Variants in HHAT observed in about 807,000 individuals in gnomAD.
HHAT encodes protein-cysteine N-palmitoyltransferase HHAT.
A neutral mutation model predicts 70.8 loss-of-function variants in HHAT; 47 were observed. The observed-to-expected ratio is 0.66, with a 90% CI of 0.53 to 0.85. HHAT has a LOEUF of 0.85. Among genes scored for constraint, HHAT ranks in the 40% least tolerant of loss-of-function variants. The pLI is 0.00. For missense variants in HHAT, 609 were observed against 604.8 expected (o/e 1.01, Z -0.07); for synonymous variants, 228 against 247.6 (o/e 0.92, Z 0.74).
intron 9 of HHAT, among the ~76,000 whole-genome samples, chr1:210,527,284 C>CTT (rs78268019): frequency 6.6e-6 from 1 of 152,052 alleles, no homozygotes; most frequent in Non-Finnish European, 1.5e-5. Context: ...TGTGGTCTCT[C>CTT]GTGGTTTTTC....
chr1:210,368,203 A>G (rs924431877), intron 3 of HHAT, among the ~76,000 whole-genome samples: 2 of 152,136 alleles, frequency 1.3e-5, no homozygotes, highest in Non-Finnish European at 2.9e-5. Flanking sequence ...AGGATTCAAG[A>G]TCATAGATTC....
At chr1:210,476,180 C>T (rs375476512) in intron 8 of HHAT, among the ~76,000 whole-genome samples, 1 of 152,318 alleles carries the variant, frequency 6.6e-6, no homozygotes, top group African/African-American at 2.4e-5. Flanking sequence ...AGATTGCAGA[C>T]GATTACAGCT....
chr1:210,529,259 T>G (rs7551694), intron 9 of HHAT, among the ~76,000 whole-genome samples: 69,215 of 150,616 alleles, frequency 0.46, 15,987 homozygotes, highest in Middle Eastern at 0.54. Flanking sequence ...GAGCAGAGAT[T>G]CTGCCACTGC....
chr1:210,615,729 G>T (rs560510684), intron 10 of HHAT, among the ~76,000 whole-genome samples: 1 of 152,256 alleles, frequency 6.6e-6, no homozygotes, highest in Non-Finnish European at 1.5e-5. Context: ...CTAGGTATCA[G>T]CAGTGGAGGC....
intron 1 of HHAT, 84 bp from the exon 2 acceptor site, chr1:210,348,849 G>A (rs1272659164): frequency 7.4e-7 from 1 of 1,351,572 alleles, no homozygotes; most frequent in Non-Finnish European, 9.9e-7. Flanking sequence ...TGGGTCTCCG[G>A]GAGTGTGAAC....
chr1:210,468,798 G>C (rs2094150531), intron 8 of HHAT, among the ~76,000 whole-genome samples: 1 of 152,142 alleles, frequency 6.6e-6, no homozygotes, highest in Non-Finnish European at 1.5e-5. Flanking sequence ...TTGTTGGGTA[G>C]AAGGCTGGAA....
At chr1:210,332,504 C>G (rs143337818) in intron 1 of HHAT, among the ~76,000 whole-genome samples, 8 of 152,362 alleles carry the variant, frequency 5.3e-5, no homozygotes, top group Middle Eastern at 6.8e-3. Context: ...TTCAATTCGC[C>G]TAGTTTACTC....
intron 11 of HHAT, among the ~76,000 whole-genome samples, chr1:210,641,518 T>C (rs1258941381): frequency 6.6e-6 from 1 of 152,230 alleles, no homozygotes; most frequent in Non-Finnish European, 1.5e-5. Flanking sequence ...AAATTTTGCC[T>C]ATGTTTGAAC....
At position 210,464,605 on chromosome 1, in the gene HHAT, C is replaced by T. The variant is rs142420396; in HGVS notation, c.957C>T (p.Pro319=). Residue 319 remains proline (P), a synonymous_variant, in exon 8 of 12, where the codon CCC becomes CCT. Transcript: ENST00000261458. Reference sequence around the variant, plus strand: ...TGCGCCTGGATGGACTCACTCCACCCGCCCTCCCCCGCTGCGTGAGCACCA... The same window carrying T: ...TGCGCCTGGATGGACTCACTCCACCTGCCCTCCCCCGCTGCGTGAGCACCA... ...LLMRLDGLTP[P]ALPRCVSTMF... 5.2e-4 allele frequency: 843 copies of T among 1,614,176 alleles called. 5 individuals are homozygous for T. The East Asian group carries it at 6.6e-3, about 13-fold the overall frequency.
intron 11 of HHAT, among the ~76,000 whole-genome samples, chr1:210,625,787 CTT>C (rs1399970855): frequency 6.6e-6 from 1 of 152,204 alleles, no homozygotes; most frequent in Non-Finnish European, 1.5e-5. Context: ...GACCTAGAAT[CTT>C]TGTTTTGATT....
At chr1:210,617,731 A>G (rs781171473) in intron 10 of HHAT, among the ~76,000 whole-genome samples, 31 of 152,392 alleles carry the variant, frequency 2.0e-4, no homozygotes, top group African/African-American at 6.0e-4. Context: ...AACTTGTCCA[A>G]TTAAACAAAT....
chr1:210,390,793 C>T (rs1198074386), intron 4 of HHAT, among the ~76,000 whole-genome samples: 1 of 152,202 alleles, frequency 6.6e-6, no homozygotes, highest in Non-Finnish European at 1.5e-5. Flanking sequence ...GAACAATGGC[C>T]TCCAGCTCCA....
rs753271439 is a variant in HHAT, at chr1:210,587,962, A to G, written c.1108A>G (p.Met370Val). 6.2e-7 allele frequency: 1 copy of G among 1,614,092 alleles called. No individual in the cohort carries two copies. Among genetic ancestry groups the G allele is most frequent in the Non-Finnish European group, 8.5e-7 (1 of 1,180,012 alleles). The change falls in exon 10 of 12, where the codon ATG (methionine) becomes GTG (valine). Residue 370 changes from methionine to valine, a missense_variant. Met to Val is a conservative substitution (Grantham distance 21, BLOSUM62 1). Transcript: ENST00000261458. ...GCTGGGGACACTGTTTTCCACGGCG[A>G]TGACATTTGCATTTGTGAGCTACTG... is the stretch of plus-strand genomic sequence containing the variant. ...GLLGTLFSTA[M>V]TFAFVSYWHG...
intron 11 of HHAT, among the ~76,000 whole-genome samples, chr1:210,653,964 G>A (rs61827422): frequency 0.023 from 2 of 86 alleles, no homozygotes; most frequent in Admixed American, 0.17. Flanking sequence ...ATAGTGTGAC[G>A]GGAATAGTGT....
intron 10 of HHAT, among the ~76,000 whole-genome samples, chr1:210,596,720 C>T (rs924627988): frequency 6.6e-6 from 1 of 152,082 alleles, no homozygotes; most frequent in African/African-American, 2.4e-5. Flanking sequence ...AATTCCTTCT[C>T]TGTTTTGTCT....
chr1:210,619,770 G>C (rs988485404), intron 10 of HHAT, among the ~76,000 whole-genome samples: 12 of 151,694 alleles, frequency 7.9e-5, no homozygotes. Context: ...ATTTTTTGCT[G>C]CCAGGAAATC....
chr1:210,657,006 CT>C (rs1227714112), intron 11 of HHAT, among the ~76,000 whole-genome samples: 2 of 152,176 alleles, frequency 1.3e-5, no homozygotes, highest in Non-Finnish European at 2.9e-5. Context: ...GATGAGATGC[CT>C]TTTCCAAATA....
In HHAT at chr1:210,392,079, G is replaced by A. The variant is rs534458903; in HGVS notation, c.273+4498G>A. Among the ~76,000 whole-genome samples, 4 of 152,260 alleles carry A rather than the reference G, an allele frequency of 2.6e-5. No individual in the cohort carries two copies. In the South Asian group the frequency reaches 8.3e-4, roughly 32 times the overall value. On this transcript the variant is annotated intron_variant, in intron 4 of 11. Coordinates refer to ENST00000261458, the MANE Select transcript of HHAT (RefSeq NM_018194.6). ...AGACGAGATCTTGCTGTATTGCCCA[G>A]ACTGGTCTTAAACTCTTGGCCTCAA...
chr1:210,394,153 G>A (rs766500027), intron 4 of HHAT, among the ~76,000 whole-genome samples: 3 of 147,676 alleles, frequency 2.0e-5, no homozygotes, highest in South Asian at 2.2e-4. Flanking sequence ...ATCTAATCTC[G>A]TCTCTTCCTT....
Sources: allele counts gnomAD v4.1 joint callset (sites outside exome capture counted in the v4.1 genomes callset), GRCh38; gene constraint gnomAD v4.1.1; transcripts MANE v1.5; gene names NCBI Gene and HGNC (gene_info 2026-07-23, HGNC 2026-07-21).